Variants in PREX2 observed in about 807,000 individuals in gnomAD.
PREX2 encodes the protein phosphatidylinositol 3,4,5-trisphosphate-dependent Rac exchanger 2 protein.
A neutral mutation model predicts 203.2 loss-of-function variants in PREX2; 107 were observed. The ratio of observed to expected loss-of-function variants is 0.53; its 90% CI spans 0.45 to 0.62. The LOEUF is 0.62. PREX2 is among the 20% of genes least tolerant of loss of function. The pLI is 0.00. For synonymous variants in PREX2, 672 were observed against 663.6 expected (o/e 1.01, Z -0.19); for missense variants, 1,777 against 1,955.9 (o/e 0.91, Z 1.72).
chr8:68,062,478 A>G (rs1808887462), intron 11 of PREX2, among the ~76,000 whole-genome samples: 1 of 152,158 alleles, frequency 6.6e-6, no homozygotes, highest in Non-Finnish European at 1.5e-5. Context: ...GACACCTCGC[A>G]TTGTACCTAA....
chr8:68,191,759 T>G lies in PREX2; in HGVS notation c.4384T>G (p.Ser1462Ala), dbSNP rs574365130. 2.5e-6 allele frequency: 4 copies of G among 1,610,616 alleles called. No homozygotes were observed. The highest frequency in any genetic ancestry group is 2.2e-5 in the South Asian group (2 of 90,918). ...YLDKSNSPPNSTSKAAYVDKL... is the reference protein window; with the variant it reads ...YLDKSNSPPNATSKAAYVDKL... ...GGACAAGTCAAATTCACCACCAAACTCCACATCCAAAGCTGCCTATGTAGA... is the reference window on the plus strand; with the variant it reads ...GGACAAGTCAAATTCACCACCAAACGCCACATCCAAAGCTGCCTATGTAGA... Residue 1462 changes from serine to alanine, a missense_variant, in exon 36 of 40, where the codon TCC (serine) becomes GCC (alanine). By Grantham distance (99) the Ser-to-Ala change is moderately conservative (BLOSUM62 1). Coordinates refer to ENST00000288368, the MANE Select transcript of PREX2 (RefSeq NM_024870.4).
intron 34 of PREX2, 43 bp from the exon 35 acceptor site, chr8:68,157,279 A>T (rs369333460): frequency 3.6e-5 from 37 of 1,029,854 alleles, no homozygotes; most frequent in Non-Finnish European, 5.3e-5. Flanking sequence ...GGAGAAATTG[A>T]GTTATAAAGT....
intron 1 of PREX2, among the ~76,000 whole-genome samples, chr8:67,990,888 C>A (rs1288746898): frequency 1.3e-5 from 2 of 152,104 alleles, no homozygotes; most frequent in Non-Finnish European, 2.9e-5. Flanking sequence ...ATTAGTGATA[C>A]AGTGTCAGTT....
intron 37 of PREX2, among the ~76,000 whole-genome samples, chr8:68,195,096 A>C (rs147460468): frequency 3.6e-4 from 55 of 152,330 alleles, no homozygotes; most frequent in Admixed American, 6.5e-4. Context: ...TAATTTACTG[A>C]AAGGTAATTC....
At chr8:68,122,568 C>A (rs1438900588) in intron 30 of PREX2, among the ~76,000 whole-genome samples, 1 of 151,984 alleles carries the variant, frequency 6.6e-6, no homozygotes, top group Non-Finnish European at 1.5e-5. Flanking sequence ...AACTATAATT[C>A]TGCAGTTGTT....
chr8:68,053,496 GT>G (rs1178928300), intron 9 of PREX2, among the ~76,000 whole-genome samples: 1 of 152,104 alleles, frequency 6.6e-6, no homozygotes, highest in Non-Finnish European at 1.5e-5. Context: ...TACTTATATA[GT>G]TAGCAAAATA....
At chr8:68,022,601 T>G (rs1196121674) in intron 4 of PREX2, among the ~76,000 whole-genome samples, 1 of 152,192 alleles carries the variant, frequency 6.6e-6, no homozygotes, top group Non-Finnish European at 1.5e-5. Flanking sequence ...GTTTAATTTC[T>G]TTAGGTTAGC....
At chr8:68,008,899 A>G (rs1807180993) in intron 1 of PREX2, among the ~76,000 whole-genome samples, 1 of 152,076 alleles carries the variant, frequency 6.6e-6, no homozygotes, top group Non-Finnish European at 1.5e-5. Flanking sequence ...CATTAAACCT[A>G]TTTTTCTTTG....
intron 32 of PREX2, among the ~76,000 whole-genome samples, chr8:68,136,114 G>A (rs1482805252): frequency 6.6e-6 from 1 of 152,134 alleles, no homozygotes. Context: ...TTGGGTATTG[G>A]TTATCTTTGG....
intron 26 of PREX2, among the ~76,000 whole-genome samples, chr8:68,116,645 C>T (rs891175995): frequency 2.6e-5 from 4 of 152,182 alleles, no homozygotes; most frequent in Admixed American, 2.6e-4. Flanking sequence ...ATCTTCCCTC[C>T]ATATGTGTCT....
chr8:68,014,801 A>T (rs924681881), intron 1 of PREX2, among the ~76,000 whole-genome samples: 1 of 152,186 alleles, frequency 6.6e-6, no homozygotes, highest in African/African-American at 2.4e-5. Context: ...TCATCAGAAG[A>T]TGATCTCTGG....
chr8:67,993,449 C>T (rs1380370084), intron 1 of PREX2, among the ~76,000 whole-genome samples: 2 of 150,918 alleles, frequency 1.3e-5, no homozygotes, highest in African/African-American at 4.9e-5. Flanking sequence ...CTCTGTCGCC[C>T]AGACTGGAGT....
chr8:68,126,110 A>G (rs951089845), intron 30 of PREX2, among the ~76,000 whole-genome samples: 3 of 152,144 alleles, frequency 2.0e-5, no homozygotes, highest in African/African-American at 4.8e-5. Flanking sequence ...TCTGTAGGCT[A>G]GATTGTTAGA....
intron 8 of PREX2, among the ~76,000 whole-genome samples, chr8:68,049,746 A>AT (rs1394757027): frequency 6.6e-6 from 1 of 152,134 alleles, no homozygotes; most frequent in Non-Finnish European, 1.5e-5. Flanking sequence ...CATTTAATAA[A>AT]TTATTTTTCC....
intron 24 of PREX2, 38 bp from the exon 25 acceptor site, chr8:68,109,378 G>A (rs1270376868): frequency 1.3e-5 from 20 of 1,494,760 alleles, no homozygotes; most frequent in South Asian, 2.4e-5. Flanking sequence ...CAAGTTAAAG[G>A]TGATACATAT....
chr8:68,223,667 T>C lies in PREX2; in HGVS notation c.4708-892T>C, dbSNP rs1457745854. On this transcript the variant is annotated intron_variant, in intron 38 of 39. Coordinates refer to ENST00000288368, the MANE Select transcript of PREX2 (RefSeq NM_024870.4). Reference sequence around the variant, plus strand: ...AACTCTGGTCTTTGGTCCTATGTAGTAAGTAATTTTCATGAGGAACTAAAG... The same window carrying C: ...AACTCTGGTCTTTGGTCCTATGTAGCAAGTAATTTTCATGAGGAACTAAAG... Among the ~76,000 whole-genome samples, 3 of 152,202 alleles carry C rather than the reference T, an allele frequency of 2.0e-5. No individual in the cohort carries two copies. The East Asian group carries it at 5.8e-4, about 29-fold the overall frequency.
At chr8:68,028,765 C>T (rs967392214) in intron 5 of PREX2, among the ~76,000 whole-genome samples, 1 of 151,934 alleles carries the variant, frequency 6.6e-6, no homozygotes, top group African/African-American at 2.4e-5. Flanking sequence ...TTTGGAATCC[C>T]AGGGGATTTA....
chr8:68,105,993 A>G (rs1585798108), intron 23 of PREX2: 1 of 168,508 alleles, frequency 5.9e-6, no homozygotes, highest in East Asian at 1.9e-4. Flanking sequence ...GCAATAAACA[A>G]TTGTTGTATA....
chr8:68,206,001 C>T (rs1812617057), intron 37 of PREX2, among the ~76,000 whole-genome samples: 1 of 152,122 alleles, frequency 6.6e-6, no homozygotes, highest in South Asian at 2.1e-4. Context: ...CTAAACAATG[C>T]ATTTAAAATA....
Sources: gnomAD v4.1 joint callset for allele counts (sites outside exome capture counted in the v4.1 genomes callset) on GRCh38, gnomAD v4.1.1 for gene constraint, MANE v1.5 for transcripts, NCBI Gene and HGNC (gene_info 2026-07-23, HGNC 2026-07-21) for gene names.